The following SGMS1 variants were observed in gnomAD, a reference collection of about 807,000 sequenced individuals.
SGMS1 encodes the protein phosphatidylcholine:ceramide cholinephosphotransferase 1.
SGMS1 carries 13 observed loss-of-function variants against 46.2 expected under a neutral mutation model. That is an observed-to-expected ratio of 0.28 (90% CI 0.18 to 0.45). The LOEUF (loss-of-function observed/expected upper bound fraction) is 0.45, where lower values mean the gene tolerates loss of function less well. Among genes scored for constraint, SGMS1 ranks in the 20% least tolerant of loss-of-function variants. SGMS1 has a pLI of 1.00. For synonymous variants in SGMS1, 203 were observed against 187.8 expected (o/e 1.08, Z -0.66); for missense variants, 324 against 519.9 (o/e 0.62, Z 3.66).
chr10:50,577,650 T>G lies in SGMS1; in HGVS notation c.-589+12503A>C, dbSNP rs112844121. ...AAGAGAGAAAGGAACTTTCTATATT[T>G]AGGAAACCTCTGAATCTGATTTCCT... On this transcript the variant is annotated intron_variant, in intron 2 of 10. Coordinates refer to ENST00000361781, the MANE Select transcript of SGMS1 (RefSeq NM_147156.4). 8.0e-3 allele frequency among the ~76,000 whole-genome samples: 1,224 copies of G among 152,338 alleles called. 15 individuals are homozygous for G. The highest frequency in any genetic ancestry group is 0.028 in the African/African-American group (1,161 of 41,572).
intron 6 of SGMS1, among the ~76,000 whole-genome samples, chr10:50,430,957 G>C (rs186373015): frequency 6.6e-6 from 1 of 151,914 alleles, no homozygotes; most frequent in Non-Finnish European, 1.5e-5. Flanking sequence ...TAAAATTTGC[G>C]CATCTAAAGA....
At chr10:50,460,320 GAC>G (rs1837248461) in intron 5 of SGMS1, among the ~76,000 whole-genome samples, 1 of 152,188 alleles carries the variant, frequency 6.6e-6, no homozygotes, top group Non-Finnish European at 1.5e-5. Flanking sequence ...TGGTTTATGA[GAC>G]ACATTTGCTG....
intron 3 of SGMS1, among the ~76,000 whole-genome samples, chr10:50,508,630 TC>T (rs1335296323): frequency 6.6e-6 from 1 of 152,184 alleles, no homozygotes; most frequent in Non-Finnish European, 1.5e-5. Flanking sequence ...TTTGTTTGAC[TC>T]ACTGTGGCAG....
intron 1 of SGMS1, among the ~76,000 whole-genome samples, chr10:50,620,793 C>G (rs1387749465): frequency 1.3e-5 from 2 of 152,162 alleles, no homozygotes; most frequent in Non-Finnish European, 2.9e-5. Flanking sequence ...TCTATAGCAG[C>G]ACTTTTCAGA....
At chr10:50,501,586 G>T (rs1185894881) in intron 3 of SGMS1, among the ~76,000 whole-genome samples, 3 of 152,154 alleles carry the variant, frequency 2.0e-5, no homozygotes, top group Non-Finnish European at 4.4e-5. Context: ...AAAACAGCTT[G>T]TAAATAAACA....
At chr10:50,570,527 T>A (rs935388275) in intron 2 of SGMS1, among the ~76,000 whole-genome samples, 1 of 152,062 alleles carries the variant, frequency 6.6e-6, no homozygotes, top group African/African-American at 2.4e-5. Flanking sequence ...ACCCAATGAG[T>A]GAAATGAGAG....
intron 1 of SGMS1, among the ~76,000 whole-genome samples, chr10:50,617,338 T>C (rs750449317): frequency 6.6e-6 from 1 of 152,192 alleles, no homozygotes; most frequent in African/African-American, 2.4e-5. Context: ...CTATACTGTA[T>C]GGTCCATTTA....
In SGMS1 at chr10:50,320,276, G is replaced by A. The variant is rs181679283; in HGVS notation, c.741+6929C>T. ...CTCCCTCACGTGAGTACCAAGAACA[G>A]ATACTTGGCTAGTCTTCTTGCCTTT... On this transcript the variant is annotated intron_variant, in intron 8 of 10. Coordinates refer to ENST00000361781, the MANE Select transcript of SGMS1 (RefSeq NM_147156.4). 2.6e-5 allele frequency among the ~76,000 whole-genome samples: 4 copies of A among 152,272 alleles called. No homozygotes were observed. The East Asian group carries it at 5.8e-4, about 22-fold the overall frequency.
At chr10:50,527,497 T>C (rs867258762) in intron 2 of SGMS1, among the ~76,000 whole-genome samples, 6 of 152,178 alleles carry the variant, frequency 3.9e-5, no homozygotes, top group Non-Finnish European at 8.8e-5. Flanking sequence ...AGCCTGTAAT[T>C]GGCAGAGCTG....
At chr10:50,620,902 T>C (rs1401739597) in intron 1 of SGMS1, among the ~76,000 whole-genome samples, 1 of 152,154 alleles carries the variant, frequency 6.6e-6, no homozygotes, top group East Asian at 1.9e-4. Context: ...ATAATAATAC[T>C]GCTAGGTGCA....
chr10:50,577,526 C>T (rs556790009), intron 2 of SGMS1, among the ~76,000 whole-genome samples: 1 of 152,302 alleles, frequency 6.6e-6, no homozygotes, highest in East Asian at 1.9e-4. Context: ...ACCCAACAAA[C>T]AACCAGGCAT....
intron 1 of SGMS1, among the ~76,000 whole-genome samples, chr10:50,593,984 T>TCCTA (rs1838566863): frequency 6.6e-6 from 1 of 152,222 alleles, no homozygotes; most frequent in Non-Finnish European, 1.5e-5. Flanking sequence ...AGAGGAGAGC[T>TCCTA]GGACTACGGA....
intron 6 of SGMS1, among the ~76,000 whole-genome samples, chr10:50,387,881 T>G (rs1848704185): frequency 6.6e-6 from 1 of 152,118 alleles, no homozygotes; most frequent in African/African-American, 2.4e-5. Flanking sequence ...GCTGGAGTGG[T>G]TACAGCTTAG....
At chr10:50,353,416 T>C (rs1489280779) in intron 6 of SGMS1, among the ~76,000 whole-genome samples, 129 of 152,378 alleles carry the variant, frequency 8.5e-4, no homozygotes, top group Non-Finnish European at 2.4e-4. Context: ...TCTCAATATA[T>C]TAGGTATTGA....
intron 3 of SGMS1, among the ~76,000 whole-genome samples, chr10:50,492,123 C>T (rs999434508): frequency 2.6e-5 from 4 of 152,198 alleles, no homozygotes; most frequent in Admixed American, 2.6e-4. Flanking sequence ...AACATCCATT[C>T]ATGTTAAAAA....
Position 50,307,961 on chromosome 10 carries a change from A to G in SGMS1, c.1062+21T>C. 6.2e-7 allele frequency: 1 copy of G among 1,612,886 alleles called. No homozygotes were observed. Among genetic ancestry groups the G allele is most frequent in the Non-Finnish European group, 8.5e-7 (1 of 1,179,734 alleles). Reference sequence around the variant, plus strand: ...CAAGCCAGAAACAACAGAAGCTAAAATCAAAAGCGGGGAAACTCACTTGCT... The same window carrying G: ...CAAGCCAGAAACAACAGAAGCTAAAGTCAAAAGCGGGGAAACTCACTTGCT... On this transcript the variant is annotated intron_variant, in intron 10 of 10. Transcript: ENST00000361781. The surrounding 1 kb of genome is among the most constrained non-coding windows in gnomAD (Gnocchi z 4.2).
At chr10:50,523,699 T>C (rs1166226627) in intron 2 of SGMS1, among the ~76,000 whole-genome samples, 3 of 152,346 alleles carry the variant, frequency 2.0e-5, no homozygotes, top group Non-Finnish European at 4.4e-5. Context: ...TGTCTACTTA[T>C]AACCACTGTT....
At chr10:50,387,488 C>T (rs74131292) in intron 6 of SGMS1, among the ~76,000 whole-genome samples, 4,528 of 152,278 alleles carry the variant, frequency 0.03, 228 homozygotes, top group African/African-American at 0.1. Context: ...AGGCAATATT[C>T]TCCCTGTAAG....
intron 6 of SGMS1, among the ~76,000 whole-genome samples, chr10:50,392,411 C>T (rs1162180074): frequency 1.3e-5 from 2 of 152,120 alleles, no homozygotes; most frequent in Non-Finnish European, 2.9e-5. Context: ...AGATTTGAGT[C>T]CATTTCTTCT....
Sources: gnomAD v4.1 joint callset for allele counts (sites outside exome capture counted in the v4.1 genomes callset) on GRCh38, gnomAD v4.1.1 for gene constraint, Gnocchi (gnomAD v3.1) non-coding constraint, MANE v1.5 for transcripts, NCBI Gene and HGNC (gene_info 2026-07-23, HGNC 2026-07-21) for gene names.